The following SLC39A12 variants were observed in gnomAD, a reference collection of about 807,000 sequenced individuals.
SLC39A12 encodes the protein zinc transporter ZIP12.
Under a neutral mutation model 71.1 loss-of-function variants are expected in SLC39A12, and 63 were observed. That is an observed-to-expected ratio of 0.89 (90% CI 0.72 to 1.09). The LOEUF is 1.09. Ranked by LOEUF, SLC39A12 falls within the 50% of genes least tolerant of loss-of-function variation. The probability of loss-of-function intolerance (pLI) is 0.00; values close to 1 mark genes in which losing one functional copy is unlikely to be tolerated. For synonymous variants in SLC39A12, 351 were observed against 301.3 expected, an observed-to-expected ratio of 1.16 and a Z score of -1.71; for missense variants, 892 against 812.6, an observed-to-expected ratio of 1.10 and a Z score of -1.19.
At chr10:17,954,574 C>T (rs922900366) in intron 2 of SLC39A12, among the ~76,000 whole-genome samples, 1 of 152,008 alleles carries the variant, frequency 6.6e-6, no homozygotes, top group East Asian at 1.9e-4. Context: ...TTTAATATGA[C>T]GTCAGTGATG....
chr10:18,033,885 A>T (rs959992812), intron 12 of SLC39A12, among the ~76,000 whole-genome samples: 5 of 152,058 alleles, frequency 3.3e-5, no homozygotes, highest in South Asian at 2.1e-4. Flanking sequence ...AACATCTTTA[A>T]TTCTGCCTTC....
intron 12 of SLC39A12, among the ~76,000 whole-genome samples, chr10:18,036,778 ATATATATATATATATATT>A (rs1837050408): frequency 1.4e-4 from 1 of 7,124 alleles, no homozygotes; most frequent in South Asian, 2.5e-3. Context: ...ATATATATAT[ATATATATATATATATATT>A]TTTTTTTTTA....
chr10:17,981,274 G>T (rs1835249806), intron 5 of SLC39A12, 38 bp from the exon 6 acceptor site: 14 of 1,542,052 alleles, frequency 9.1e-6, no homozygotes, highest in African/African-American at 1.4e-5. Context: ...GTTTAAATAT[G>T]CTGAGATTAG....
intron 3 of SLC39A12, among the ~76,000 whole-genome samples, chr10:17,962,678 A>G (rs571979): frequency 0.34 from 51,058 of 151,878 alleles, 8,929 homozygotes; most frequent in Admixed American, 0.39. Context: ...CAATTCTGGC[A>G]TTCTGAAGCT....
intron 6 of SLC39A12, among the ~76,000 whole-genome samples, chr10:17,985,711 C>G (rs11011896): frequency 0.034 from 5,186 of 152,134 alleles, 137 homozygotes; most frequent in South Asian, 0.087. Context: ...GTTGTCTGTA[C>G]TTGATTCTGA....
chr10:17,978,277 T>C lies in SLC39A12; in HGVS notation c.924+203T>C, dbSNP rs145148592. Among the ~76,000 whole-genome samples, 155 of 152,342 alleles carry C rather than the reference T, an allele frequency of 1.0e-3. 3 individuals carry two copies. The Middle Eastern group carries it at 0.048, about 47-fold the overall frequency. ...GACATAAAAACAAAGCCAAGGTATA[T>C]AGGGGAATGAAATATATTGCTTTTT... On this transcript the variant is annotated intron_variant, in intron 5 of 12. Coordinates refer to ENST00000377369, the MANE Select transcript of SLC39A12 (RefSeq NM_001145195.2).
intron 1 of SLC39A12, among the ~76,000 whole-genome samples, chr10:17,952,341 G>T (rs1554847206): frequency 2.0e-5 from 3 of 151,638 alleles, no homozygotes. Flanking sequence ...TGTTCTTGAG[G>T]TCTCGAAATT....
chr10:17,966,004 T>C (rs1205942699), intron 4 of SLC39A12, among the ~76,000 whole-genome samples: 1 of 152,262 alleles, frequency 6.6e-6, no homozygotes, highest in Admixed American at 6.5e-5. Flanking sequence ...GACATAATGC[T>C]GGGCCAGGCC....
At chr10:18,032,667 C>A (rs1836882920) in intron 12 of SLC39A12, among the ~76,000 whole-genome samples, 1 of 151,148 alleles carries the variant, frequency 6.6e-6, no homozygotes, top group South Asian at 2.1e-4. Flanking sequence ...ATTGCCCTGG[C>A]CAGAACTTCC....
intron 12 of SLC39A12, among the ~76,000 whole-genome samples, chr10:18,042,463 G>GAAAAA (rs551298382): frequency 4.3e-5 from 5 of 115,054 alleles, no homozygotes; most frequent in African/African-American, 9.8e-5. Flanking sequence ...TGCCTCAAAA[G>GAAAAA]AAAAAAAAAA....
chr10:18,010,393 TTGGCATCATTTTAAA>T (rs1455347881), intron 12 of SLC39A12: 2 of 152,202 alleles, frequency 1.3e-5, no homozygotes, highest in African/African-American at 4.8e-5. Flanking sequence ...ATGAGTTCCA[TTGGCATCATTTTAAA>T]TATCCTTTGG....
intron 4 of SLC39A12, among the ~76,000 whole-genome samples, chr10:17,977,154 A>G (rs1438983586): frequency 6.6e-6 from 1 of 152,080 alleles, no homozygotes; most frequent in Non-Finnish European, 1.5e-5. Context: ...GGACATTTAT[A>G]TAATTTAGAT....
At chr10:18,021,038 T>G (rs1836519495) in intron 12 of SLC39A12, among the ~76,000 whole-genome samples, 2 of 152,130 alleles carry the variant, frequency 1.3e-5, no homozygotes, top group Admixed American at 1.3e-4. Flanking sequence ...TCATGAAATC[T>G]TTGCCAAGAC....
At chr10:18,021,485 A>G (rs1388305943) in intron 12 of SLC39A12, among the ~76,000 whole-genome samples, 3 of 152,028 alleles carry the variant, frequency 2.0e-5, no homozygotes, top group Non-Finnish European at 2.9e-5. Flanking sequence ...ATATTTCTCC[A>G]TCCCTTTACT....
intron 10 of SLC39A12, among the ~76,000 whole-genome samples, chr10:17,998,602 C>G (rs1338296227): frequency 6.6e-6 from 1 of 152,026 alleles, no homozygotes; most frequent in African/African-American, 2.4e-5. Context: ...AAATCTTTCC[C>G]TTTTTAGCAA....
At chr10:17,969,425 C>T (rs1399780511) in intron 4 of SLC39A12, among the ~76,000 whole-genome samples, 1 of 152,146 alleles carries the variant, frequency 6.6e-6, no homozygotes, top group Non-Finnish European at 1.5e-5. Flanking sequence ...CCAGTGTTCC[C>T]TTTTCTCCAT....
intron 4 of SLC39A12, among the ~76,000 whole-genome samples, chr10:17,971,361 G>A (rs772481455): frequency 3.4e-5 from 5 of 145,682 alleles, no homozygotes; most frequent in African/African-American, 5.1e-5. Flanking sequence ...GAATGAGTTC[G>A]GAAGTACTCC....
In SLC39A12 at chr10:17,993,294, A is replaced by T; in HGVS notation, c.1533+3A>T. 6.5e-7 allele frequency: 1 copy of T among 1,538,812 alleles called. No homozygotes were observed. Among genetic ancestry groups the T allele is most frequent in the Non-Finnish European group, 8.8e-7 (1 of 1,135,088 alleles). ...AATCTGCTTCAACTATCCAGTTGGT[A>T]GGTTCCTGATCTGAAGCATTCTACT... On this transcript the variant is annotated splice_donor_region_variant and intron_variant, in intron 9 of 12. Transcript: ENST00000377369.
intron 12 of SLC39A12, among the ~76,000 whole-genome samples, chr10:18,020,231 G>A (rs1836493882): frequency 1.3e-5 from 2 of 151,976 alleles, no homozygotes; most frequent in Non-Finnish European, 2.9e-5. Flanking sequence ...TTGGTTTTCT[G>A]TTCCTGTTTT....
Sources: allele counts gnomAD v4.1 joint callset (sites outside exome capture counted in the v4.1 genomes callset), GRCh38; gene constraint gnomAD v4.1.1; transcripts MANE v1.5; gene names NCBI Gene and HGNC (gene_info 2026-07-23, HGNC 2026-07-21).